FYN: variants seen among roughly 807,000 people sequenced by gnomAD.
FYN encodes the protein tyrosine-protein kinase Fyn.
A neutral mutation model predicts 70.2 loss-of-function variants in FYN; 10 were observed. The ratio of observed to expected loss-of-function variants is 0.14; its 90% CI spans 0.09 to 0.24. FYN has a LOEUF of 0.24. FYN is among the 10% of genes least tolerant of loss of function. FYN has a pLI of 1.00. For synonymous variants in FYN, 236 were observed against 248.6 expected (o/e 0.95, Z 0.48); for missense variants, 319 against 673.1 (o/e 0.47, Z 5.82).
rs183069811 is a variant in FYN, at chr6:111,749,317, C to T, written c.-11-29255G>A. On this transcript the variant is annotated intron_variant, in intron 3 of 13. Coordinates refer to ENST00000354650, the MANE Select transcript of FYN (RefSeq NM_002037.5). ...TGGAGCAACAGCTAAAATTGAATGG[C>T]AATGATAATCATGTTTATGATACAC... Among the ~76,000 whole-genome samples, 58 of 152,270 alleles carry T rather than the reference C, an allele frequency of 3.8e-4. 1 individual carries two copies. The East Asian group carries it at 0.01, about 27-fold the overall frequency.
At chr6:111,713,090 T>C (rs17072844) in intron 5 of FYN, among the ~76,000 whole-genome samples, 16,577 of 152,164 alleles carry the variant, frequency 0.11, 1,526 homozygotes, top group African/African-American at 0.25. Flanking sequence ...TGTGGCTATG[T>C]AGACTGTGCC....
At position 111,687,044 on chromosome 6, in the gene FYN, C is replaced by T. The variant is rs62416870; in HGVS notation, c.1273+7331G>A. Among the ~76,000 whole-genome samples, 826 of 152,308 alleles carry T rather than the reference C, an allele frequency of 5.4e-3. 2 individuals are homozygous for T. Among genetic ancestry groups the T allele is most frequent in the South Asian group, 0.013 (61 of 4,824 alleles). On this transcript the variant is annotated intron_variant, in intron 12 of 13. Coordinates refer to ENST00000354650, the MANE Select transcript of FYN (RefSeq NM_002037.5). ...TTGTTTGTGTTAAATGGCTACTGTG[C>T]TTTTTGAATCTAAAATCTGATTATA...
intron 2 of FYN, among the ~76,000 whole-genome samples, chr6:111,825,346 T>C (rs1215434744): frequency 6.6e-6 from 1 of 152,226 alleles, no homozygotes; most frequent in African/African-American, 2.4e-5. Flanking sequence ...CTGGGATTTA[T>C]ACTCTATAGA....
intron 1 of FYN, among the ~76,000 whole-genome samples, chr6:111,849,162 A>C (rs1267687776): frequency 6.6e-6 from 1 of 152,170 alleles, no homozygotes; most frequent in African/African-American, 2.4e-5. Context: ...TTCGTTTGAG[A>C]AACATAACTG....
At chr6:111,746,047 G>T (rs2128482911) in intron 3 of FYN, among the ~76,000 whole-genome samples, 1 of 152,358 alleles carries the variant, frequency 6.6e-6, no homozygotes, top group Non-Finnish European at 1.5e-5. Context: ...GGTACAAAAA[G>T]ATGGTGATAG....
chr6:111,862,187 T>C (rs987774774), intron 1 of FYN, among the ~76,000 whole-genome samples: 15 of 152,334 alleles, frequency 9.8e-5, no homozygotes, highest in Non-Finnish European at 1.9e-4. Context: ...GCATTTTCTC[T>C]CTGCTCTTGG....
chr6:111,768,487 C>T (rs569797873), intron 3 of FYN, among the ~76,000 whole-genome samples: 79 of 152,310 alleles, frequency 5.2e-4, no homozygotes, highest in African/African-American at 1.7e-3. Flanking sequence ...CAGTAAAATT[C>T]TCCCTAAGTA....
chr6:111,815,750 T>C (rs2114334350), intron 2 of FYN, among the ~76,000 whole-genome samples: 1 of 151,098 alleles, frequency 6.6e-6, no homozygotes, highest in East Asian at 1.9e-4. Flanking sequence ...ACAGAGTCTC[T>C]CTCTGTTGCC....
intron 1 of FYN, among the ~76,000 whole-genome samples, chr6:111,853,125 T>C (rs1773730862): frequency 6.6e-6 from 1 of 152,178 alleles, no homozygotes; most frequent in Admixed American, 6.5e-5. Flanking sequence ...CTTCATCTAA[T>C]GTTGATGAAG....
At position 111,669,438 on chromosome 6, in the gene FYN, CA is replaced by C. The variant is rs10690295; in HGVS notation, c.1405+5060del. On this transcript the variant is annotated intron_variant, in intron 13 of 13. Transcript: ENST00000354650. ...TGACAGAGCAAGATTCCATCCATCTCAAAAAAAAAAAAAAAAAAAAAAGAAA... is the reference window on the plus strand; with the variant it reads ...TGACAGAGCAAGATTCCATCCATCTCAAAAAAAAAAAAAAAAAAAAAGAAA... Among the ~76,000 whole-genome samples the C allele has an allele frequency of 8.8e-3, 501 of 56,830 alleles. 4 individuals are homozygous for C. The highest frequency in any genetic ancestry group is 0.088 in the East Asian group (158 of 1,804). The allele number at this position is 56,830 out of a possible 152,430, so 37.3% of individuals were successfully genotyped here.
chr6:111,806,704 T>G (rs1018306414), intron 2 of FYN, among the ~76,000 whole-genome samples: 2 of 152,134 alleles, frequency 1.3e-5, no homozygotes, highest in African/African-American at 4.8e-5. Context: ...AATTCTGTCT[T>G]ATAATTTTGC....
chr6:111,661,339 T>G lies in FYN; in HGVS notation c.*400A>C. On this transcript the variant is annotated 3_prime_UTR_variant, in exon 14 of 14. Transcript: ENST00000354650. The surrounding 1 kb of genome is among the most constrained non-coding windows in gnomAD (Gnocchi z 4.0). Reference sequence around the variant, plus strand: ...ATTGTTTTAGACAAAGAGGCCACTTTTGGAAAATAATACTTTTTTTTTTTT... The same window carrying G: ...ATTGTTTTAGACAAAGAGGCCACTTGTGGAAAATAATACTTTTTTTTTTTT... 6.3e-6 allele frequency: 1 copy of G among 158,222 alleles called. No homozygotes were observed. The allele number at this position is 158,222 out of a possible 1,614,324, so 9.8% of individuals were successfully genotyped here. A position where few individuals can be genotyped will look rare whatever the true frequency, so the allele number is the denominator to read the frequency against.
At position 111,845,207 on chromosome 6, in the gene FYN, A is replaced by G. The variant is rs1430261955; in HGVS notation, c.-82+1382T>C. 2.6e-5 allele frequency among the ~76,000 whole-genome samples: 4 copies of G among 152,238 alleles called. No homozygotes were observed. The East Asian group carries it at 7.7e-4, about 29-fold the overall frequency. On this transcript the variant is annotated intron_variant, in intron 2 of 13. Coordinates refer to ENST00000354650, the MANE Select transcript of FYN (RefSeq NM_002037.5). Reference sequence around the variant, plus strand: ...ATGCCAGGCATTTCTTTGGGCTCCAAGGCACAATACTGCCCTGAGGGGGCT... The same window carrying G: ...ATGCCAGGCATTTCTTTGGGCTCCAGGGCACAATACTGCCCTGAGGGGGCT...
intron 2 of FYN, among the ~76,000 whole-genome samples, chr6:111,797,675 T>C (rs1249839414): frequency 3.4e-5 from 2 of 59,046 alleles, no homozygotes; most frequent in Non-Finnish European, 5.2e-5. Flanking sequence ...CATATATATA[T>C]ATATATATAT....
chr6:111,742,466 A>G (rs1187695975), intron 3 of FYN, among the ~76,000 whole-genome samples: 1 of 152,230 alleles, frequency 6.6e-6, no homozygotes, highest in Non-Finnish European at 1.5e-5. Flanking sequence ...AGGTTTATTC[A>G]TTAACATGAT....
chr6:111,830,178 T>C (rs893320325), intron 2 of FYN, among the ~76,000 whole-genome samples: 4 of 152,172 alleles, frequency 2.6e-5, no homozygotes, highest in African/African-American at 7.2e-5. Flanking sequence ...CAGAGCCCAG[T>C]GACTTAATAC....
chr6:111,823,670 C>T (rs1213903004), intron 2 of FYN, among the ~76,000 whole-genome samples: 2 of 152,220 alleles, frequency 1.3e-5, no homozygotes, highest in South Asian at 2.1e-4. Context: ...CACTCGCAGG[C>T]TCTGCTAATA....
rs541095456 is a variant in FYN, at chr6:111,690,862, C to G, written c.1273+3513G>C. Among the ~76,000 whole-genome samples the G allele has an allele frequency of 2.6e-5, 4 of 152,284 alleles. No homozygotes were observed. In the East Asian group the frequency reaches 7.7e-4, roughly 29 times the overall value. On this transcript the variant is annotated intron_variant, in intron 12 of 13. Coordinates refer to ENST00000354650, the MANE Select transcript of FYN (RefSeq NM_002037.5). Reference sequence around the variant, plus strand: ...ACCAGTTCCATCTGACTTCAACAATCCCCCACGTCTTCCTCCTCATGCTTG... The same window carrying G: ...ACCAGTTCCATCTGACTTCAACAATGCCCCACGTCTTCCTCCTCATGCTTG...
intron 3 of FYN, among the ~76,000 whole-genome samples, chr6:111,769,097 A>G (rs1001262934): frequency 6.6e-6 from 1 of 152,234 alleles, no homozygotes. Flanking sequence ...GGATCTGTGA[A>G]TAGTGAGGTT....
Sources: gnomAD v4.1 joint callset for allele counts (sites outside exome capture counted in the v4.1 genomes callset) on GRCh38, gnomAD v4.1.1 for gene constraint, Gnocchi (gnomAD v3.1) non-coding constraint, MANE v1.5 for transcripts, NCBI Gene and HGNC (gene_info 2026-07-23, HGNC 2026-07-21) for gene names.